FAM120A: variants seen among roughly 807,000 people sequenced by gnomAD.
FAM120A encodes the protein family with sequence similarity 120 member A, also known as constitutive coactivator of PPAR-gamma-like protein 1.
FAM120A carries 15 observed loss-of-function variants against 109.7 expected under a neutral mutation model. The observed-to-expected ratio is 0.14, with a 90% CI of 0.09 to 0.21. The LOEUF is 0.21. Ranked by LOEUF, FAM120A falls within the 10% of genes least tolerant of loss-of-function variation. FAM120A has a pLI of 1.00. For missense variants in FAM120A, 899 were observed against 1,439.3 expected, an observed-to-expected ratio of 0.62 and a Z score of 6.07; for synonymous variants, 493 against 572.8, an observed-to-expected ratio of 0.86 and a Z score of 1.99.
At chr9:93,550,153 T>G (rs1862042378) in intron 11 of FAM120A, among the ~76,000 whole-genome samples, 10 of 152,220 alleles carry the variant, frequency 6.6e-5, no homozygotes, top group Admixed American at 6.5e-4. Flanking sequence ...GGCCAGGCAA[T>G]GGTCTTTGCT....
At chr9:93,459,574 T>A (rs1443684073) in intron 1 of FAM120A, among the ~76,000 whole-genome samples, 1 of 152,218 alleles carries the variant, frequency 6.6e-6, no homozygotes, top group African/African-American at 2.4e-5. Context: ...CTATAGCCTC[T>A]GGGTTGAGGA....
intron 1 of FAM120A, among the ~76,000 whole-genome samples, chr9:93,468,390 TTGTCC>T (rs1458594884): frequency 2.6e-5 from 4 of 152,338 alleles, no homozygotes; most frequent in Admixed American, 2.6e-4. Flanking sequence ...GCTGTGCCCC[TTGTCC>T]TGTTGGAGAG....
intron 7 of FAM120A, 87 bp from the exon 8 acceptor site, chr9:93,527,068 C>A: frequency 1.0e-6 from 1 of 961,502 alleles, no homozygotes; most frequent in Non-Finnish European, 1.7e-6. Flanking sequence ...TTATTATGAG[C>A]CTGAAGACTT....
At chr9:93,475,798 A>T (rs949245685) in intron 2 of FAM120A, among the ~76,000 whole-genome samples, 1 of 152,184 alleles carries the variant, frequency 6.6e-6, no homozygotes, top group African/African-American at 2.4e-5. Flanking sequence ...TTGTCATTTA[A>T]TCTTGCTAAG....
chr9:93,487,897 C>T (rs1379070632), intron 3 of FAM120A, among the ~76,000 whole-genome samples: 3 of 152,188 alleles, frequency 2.0e-5, no homozygotes, highest in African/African-American at 7.2e-5. Context: ...CAGTATGATT[C>T]TATTCTCCTT....
At chr9:93,457,802 CT>C (rs34188475) in intron 1 of FAM120A, among the ~76,000 whole-genome samples, 38,773 of 145,868 alleles carry the variant, frequency 0.27, 5,940 homozygotes, top group East Asian at 0.44. Context: ...AAATCTCTTC[CT>C]TTTTTTTTTT....
intron 1 of FAM120A, among the ~76,000 whole-genome samples, chr9:93,455,176 A>G (rs745622414): frequency 6.6e-6 from 1 of 152,254 alleles, no homozygotes; most frequent in East Asian, 1.9e-4. Context: ...GTATAGCCAT[A>G]CTATGGAATA....
At chr9:93,534,860 G>T (rs1475156327) in intron 10 of FAM120A, among the ~76,000 whole-genome samples, 1 of 152,142 alleles carries the variant, frequency 6.6e-6, no homozygotes, top group Admixed American at 6.5e-5. Context: ...AGGATTGGGG[G>T]TAAGGATACC....
intron 1 of FAM120A, among the ~76,000 whole-genome samples, chr9:93,466,745 A>G (rs1410853238): frequency 6.6e-6 from 1 of 152,062 alleles, no homozygotes; most frequent in Non-Finnish European, 1.5e-5. Context: ...TCACCTGAAC[A>G]CCGGTTCTCA....
chr9:93,531,795 C>G (rs1861340269), intron 9 of FAM120A, among the ~76,000 whole-genome samples: 2 of 152,130 alleles, frequency 1.3e-5, no homozygotes, highest in African/African-American at 4.8e-5. Flanking sequence ...TGTGACCATC[C>G]CAACTCTCTA....
In FAM120A at chr9:93,532,133, T is replaced by C; in HGVS notation, c.1735-22T>C. On this transcript the variant is annotated intron_variant, in intron 9 of 17. Coordinates refer to ENST00000277165, the MANE Select transcript of FAM120A (RefSeq NM_014612.5). This position sits in a 1 kb window ranked among gnomAD's most constrained non-coding sequence, Gnocchi z 4.3. Reference sequence around the variant, plus strand: ...TCAACATGAAAAATGTGCAATGTTATTCTGCTTTCTTCCATGCAAAGGGTG... The same window carrying C: ...TCAACATGAAAAATGTGCAATGTTACTCTGCTTTCTTCCATGCAAAGGGTG... 3 of 1,609,242 alleles carry C rather than the reference T, an allele frequency of 1.9e-6. No individual in the cohort carries two copies. Among genetic ancestry groups the C allele is most frequent in the Non-Finnish European group, 2.5e-6 (3 of 1,176,508 alleles).
chr9:93,522,311 C>T (rs1860879450), intron 7 of FAM120A, among the ~76,000 whole-genome samples: 1 of 152,150 alleles, frequency 6.6e-6, no homozygotes, highest in Non-Finnish European at 1.5e-5. Context: ...GATCCTACTT[C>T]TAGAGAGGTA....
chr9:93,478,949 G>A (rs183939707), intron 3 of FAM120A, among the ~76,000 whole-genome samples: 1 of 152,104 alleles, frequency 6.6e-6, no homozygotes, highest in East Asian at 1.9e-4. Flanking sequence ...TTTTTCCCCA[G>A]TTGTAAAACC....
chr9:93,520,152 A>G (rs2131426788), intron 7 of FAM120A, among the ~76,000 whole-genome samples: 1 of 152,358 alleles, frequency 6.6e-6, no homozygotes, highest in Admixed American at 6.5e-5. Context: ...TACAGGCATG[A>G]GCCACTGTGT....
At chr9:93,485,757 A>G (rs1045627549) in intron 3 of FAM120A, among the ~76,000 whole-genome samples, 1 of 149,676 alleles carries the variant, frequency 6.7e-6, no homozygotes, top group Non-Finnish European at 1.5e-5. Context: ...TGTCACCCCA[A>G]AAAGAAGCCA....
At position 93,452,904 on chromosome 9, in the gene FAM120A, T is replaced by G; in HGVS notation, c.474+515T>G. 2 of 1,435,182 alleles carry G rather than the reference T, an allele frequency of 1.4e-6. No homozygotes were observed. Among genetic ancestry groups the G allele is most frequent in the Non-Finnish European group, 9.1e-7 (1 of 1,102,308 alleles). The allele number at this position is 1,435,182 out of a possible 1,614,324, so 88.9% of individuals were successfully genotyped here. ...CTGCCGCCGCCCTTGCCAATGTTGTTAGCCCGGTGACAGCGAGACGTGTCT... is the reference window on the plus strand; with the variant it reads ...CTGCCGCCGCCCTTGCCAATGTTGTGAGCCCGGTGACAGCGAGACGTGTCT... On this transcript the variant is annotated intron_variant, in intron 1 of 17. Coordinates refer to ENST00000277165, the MANE Select transcript of FAM120A (RefSeq NM_014612.5). The surrounding 1 kb of genome is among the most constrained non-coding windows in gnomAD (Gnocchi z 7.0).
intron 1 of FAM120A, among the ~76,000 whole-genome samples, chr9:93,463,175 A>T (rs997632641): frequency 2.0e-5 from 3 of 152,044 alleles, no homozygotes; most frequent in African/African-American, 4.8e-5. Flanking sequence ...TCTTGTTGAC[A>T]TTTGTTATTT....
intron 3 of FAM120A, among the ~76,000 whole-genome samples, chr9:93,490,485 A>G (rs1306062422): frequency 6.6e-6 from 1 of 152,234 alleles, no homozygotes; most frequent in Non-Finnish European, 1.5e-5. Flanking sequence ...AACATGTTAT[A>G]TGAAAAGGAA....
rs1263080469 is a variant in FAM120A at position 93,452,622 on chromosome 9, T to G, written c.474+233T>G. The stretch of plus-strand genomic sequence containing the variant: ...TCCCTGTTCGGGGTCCGCGGCCGCG[T>G]GGGGACACTTGAGGGCTGGGAGAGA... On this transcript the variant is annotated intron_variant, in intron 1 of 17. Coordinates refer to ENST00000277165, the MANE Select transcript of FAM120A (RefSeq NM_014612.5). The surrounding 1 kb of genome is among the most constrained non-coding windows in gnomAD (Gnocchi z 7.0). 1 of 1,599,122 alleles carries G rather than the reference T, an allele frequency of 6.3e-7. No homozygotes were observed. The highest frequency in any genetic ancestry group is 8.5e-7 in the Non-Finnish European group (1 of 1,179,824).
Sources: gnomAD v4.1 joint callset for allele counts (sites outside exome capture counted in the v4.1 genomes callset) on GRCh38, gnomAD v4.1.1 for gene constraint, Gnocchi (gnomAD v3.1) non-coding constraint, MANE v1.5 for transcripts, NCBI Gene and HGNC (gene_info 2026-07-23, HGNC 2026-07-21) for gene names.